The following CTNND2 variants were observed in gnomAD, a reference collection of about 807,000 sequenced individuals.
CTNND2 encodes catenin delta 2.
Under a neutral mutation model 144.4 loss-of-function variants are expected in CTNND2, and 22 were observed. That is an observed-to-expected ratio of 0.15 (90% CI 0.11 to 0.22). The LOEUF is 0.22. Among genes scored for constraint, CTNND2 ranks in the 10% least tolerant of loss-of-function variants. The pLI, the probability that CTNND2 is intolerant of heterozygous loss-of-function variation, is 1.00. For synonymous variants in CTNND2, 751 were observed against 695.6 expected, an observed-to-expected ratio of 1.08 and a Z score of -1.25; for missense variants, 1,353 against 1,618.8, an observed-to-expected ratio of 0.84 and a Z score of 2.82.
intron 15 of CTNND2, among the ~76,000 whole-genome samples, chr5:11,084,812 CA>C (rs1401969858): frequency 6.6e-6 from 1 of 152,138 alleles, no homozygotes; most frequent in African/African-American, 2.4e-5. Flanking sequence ...AATTTAGGCA[CA>C]AAGATATTCA....
intron 9 of CTNND2, among the ~76,000 whole-genome samples, chr5:11,284,980 G>A (rs566400529): frequency 6.6e-6 from 1 of 152,300 alleles, no homozygotes; most frequent in South Asian, 2.1e-4. Context: ...CAAAGCTTTA[G>A]TCAGGTTCCT....
chr5:11,277,685 C>T (rs1189093221), intron 9 of CTNND2, among the ~76,000 whole-genome samples: 4 of 152,022 alleles, frequency 2.6e-5, no homozygotes, highest in Non-Finnish European at 4.4e-5. Flanking sequence ...ATGTGTGCCA[C>T]CACACTTGGC....
chr5:11,657,174 C>T (rs979909732), intron 2 of CTNND2, among the ~76,000 whole-genome samples: 33 of 151,996 alleles, frequency 2.2e-4, no homozygotes, highest in Non-Finnish European at 1.0e-4. Flanking sequence ...ACACTGATGG[C>T]TCAGCATCAA....
In CTNND2 at chr5:11,232,179, T is replaced by G. The variant is rs528588081; in HGVS notation, c.1761+4512A>C. On this transcript the variant is annotated intron_variant, in intron 10 of 21. Coordinates refer to ENST00000304623, the MANE Select transcript of CTNND2 (RefSeq NM_001332.4). ...AGCCCTCATAGAGAACCTCTGCTAGTGCAGTGAGGAAGAGAAACAAGGGGT... is the reference window on the plus strand; with the variant it reads ...AGCCCTCATAGAGAACCTCTGCTAGGGCAGTGAGGAAGAGAAACAAGGGGT... Among the ~76,000 whole-genome samples the G allele has an allele frequency of 7.9e-5, 12 of 152,354 alleles. No individual in the cohort carries two copies. The East Asian group carries it at 2.3e-3, about 29-fold the overall frequency.
chr5:11,162,402 G>C (rs905842501), intron 11 of CTNND2, among the ~76,000 whole-genome samples: 1 of 152,082 alleles, frequency 6.6e-6, no homozygotes, highest in Non-Finnish European at 1.5e-5. Flanking sequence ...CTTTTTATAG[G>C]CTGTTCTATC....
chr5:11,393,204 A>G (rs751899947), intron 6 of CTNND2, among the ~76,000 whole-genome samples: 2 of 152,228 alleles, frequency 1.3e-5, no homozygotes, highest in Non-Finnish European at 1.5e-5. Flanking sequence ...TTTCTCAAAA[A>G]GTGTATTGCT....
chr5:11,159,240 A>G (rs765099321), intron 12 of CTNND2, among the ~76,000 whole-genome samples: 3 of 152,162 alleles, frequency 2.0e-5, no homozygotes, highest in African/African-American at 4.8e-5. Flanking sequence ...TGGTTGTGCT[A>G]TATGCATGAT....
At chr5:11,619,073 T>C (rs1319575196) in intron 2 of CTNND2, among the ~76,000 whole-genome samples, 3 of 152,164 alleles carry the variant, frequency 2.0e-5, no homozygotes, top group Non-Finnish European at 4.4e-5. Flanking sequence ...TTTATTTACA[T>C]GCACTAAAAA....
intron 10 of CTNND2, among the ~76,000 whole-genome samples, chr5:11,234,875 T>A (rs1446174839): frequency 6.6e-6 from 1 of 152,202 alleles, no homozygotes; most frequent in African/African-American, 2.4e-5. Context: ...GCTTCCTTTT[T>A]TGGTATCCGC....
chr5:11,719,031 T>C (rs1483698297), intron 2 of CTNND2, among the ~76,000 whole-genome samples: 1 of 152,228 alleles, frequency 6.6e-6, no homozygotes, highest in Non-Finnish European at 1.5e-5. Flanking sequence ...TATGTGTTTG[T>C]AAAATGTGTG....
At position 11,732,660 on chromosome 5, in the gene CTNND2, A is replaced by T. The variant is rs529827230; in HGVS notation, c.38-388T>A. On this transcript the variant is annotated intron_variant, in intron 1 of 21. Coordinates refer to ENST00000304623, the MANE Select transcript of CTNND2 (RefSeq NM_001332.4). ...TTTTAGGTAAATTTATTACCTGCCTATTGGTATATGTGCTGTTATTACATG... is the reference window on the plus strand; with the variant it reads ...TTTTAGGTAAATTTATTACCTGCCTTTTGGTATATGTGCTGTTATTACATG... Among the ~76,000 whole-genome samples the T allele has an allele frequency of 1.8e-4, 27 of 152,232 alleles. 2 individuals are homozygous for T. In the South Asian group the frequency reaches 5.0e-3, roughly 28 times the overall value.
In CTNND2 at chr5:11,348,293, A is replaced by C. The variant is rs61750697; in HGVS notation, c.1373-1666T>G. On this transcript the variant is annotated intron_variant, in intron 8 of 21. Coordinates refer to ENST00000304623, the MANE Select transcript of CTNND2 (RefSeq NM_001332.4). ...GTGTAATTAAAATCCACATTTTAAA[A>C]TTTATGCATAATGTGCCTTATATTA... 1.6e-3 allele frequency among the ~76,000 whole-genome samples: 243 copies of C among 152,280 alleles called. 1 individual carries two copies. The highest frequency in any genetic ancestry group is 5.6e-3 in the African/African-American group (234 of 41,578).
At chr5:11,612,515 G>C (rs1780381352) in intron 2 of CTNND2, among the ~76,000 whole-genome samples, 2 of 152,124 alleles carry the variant, frequency 1.3e-5, no homozygotes, top group African/African-American at 4.8e-5. Flanking sequence ...ATTTGATTGT[G>C]AAGTGAAAAC....
intron 9 of CTNND2, among the ~76,000 whole-genome samples, chr5:11,299,826 C>T (rs1161553751): frequency 6.6e-6 from 1 of 152,154 alleles, no homozygotes; most frequent in African/African-American, 2.4e-5. Flanking sequence ...AGTCTTGGAC[C>T]TTCAGACTGC....
rs577035178 is a variant in CTNND2, at chr5:11,209,918, TCAAA to T, written c.1762-10261_1762-10258del. 2.4e-3 allele frequency among the ~76,000 whole-genome samples: 359 copies of T among 152,194 alleles called. 2 individuals are homozygous for T. The highest frequency in any genetic ancestry group is 3.8e-3 in the Admixed American group (58 of 15,280). ...GCCTGGGAGACAGCGAGACTCTGTC[TCAAA>T]CAAACAACAACAAAAAAAGTGTAAA... On this transcript the variant is annotated intron_variant, in intron 10 of 21. Coordinates refer to ENST00000304623, the MANE Select transcript of CTNND2 (RefSeq NM_001332.4).
intron 2 of CTNND2, among the ~76,000 whole-genome samples, chr5:11,612,188 C>T (rs543056804): frequency 6.6e-6 from 1 of 152,134 alleles, no homozygotes; most frequent in African/African-American, 2.4e-5. Context: ...TCCTTTCTGT[C>T]ATTTAAATGT....
intron 1 of CTNND2, among the ~76,000 whole-genome samples, chr5:11,878,298 TCTA>T (rs560746563): frequency 6.6e-4 from 101 of 152,300 alleles, no homozygotes; most frequent in Middle Eastern, 3.4e-3. Flanking sequence ...AAGAATTTCT[TCTA>T]CCTCTTCTTT....
intron 3 of CTNND2, among the ~76,000 whole-genome samples, chr5:11,553,819 A>T (rs1279046362): frequency 2.6e-5 from 4 of 152,290 alleles, no homozygotes; most frequent in African/African-American, 9.6e-5. Context: ...TTTGTAAAAC[A>T]TCTGTTTATA....
chr5:11,109,018 C>A (rs898157522), intron 14 of CTNND2, among the ~76,000 whole-genome samples: 2 of 152,214 alleles, frequency 1.3e-5, no homozygotes, highest in African/African-American at 2.4e-5. Flanking sequence ...TGTCATAAAG[C>A]CCTGCTGAGG....
Sources: allele counts gnomAD v4.1 joint callset (sites outside exome capture counted in the v4.1 genomes callset), GRCh38; gene constraint gnomAD v4.1.1; transcripts MANE v1.5; gene names NCBI Gene and HGNC (gene_info 2026-07-23, HGNC 2026-07-21).